Variants in BSN observed in about 807,000 individuals in gnomAD.
BSN encodes the protein bassoon presynaptic cytomatrix protein.
BSN carries 57 observed loss-of-function variants against 264.8 expected under a neutral mutation model. That is an observed-to-expected ratio of 0.22 (90% CI 0.17 to 0.27). The LOEUF (loss-of-function observed/expected upper bound fraction) is 0.27. BSN is among the 10% of genes least tolerant of loss of function. The pLI is 1.00. For synonymous variants in BSN, 2,059 were observed against 2,137.3 expected (o/e 0.96, Z 1.01); for missense variants, 4,615 against 5,232.5 (o/e 0.88, Z 3.64).
intron 1 of BSN, among the ~76,000 whole-genome samples, chr3:49,592,772 TACAG>T (rs2051990071): frequency 6.6e-6 from 1 of 151,202 alleles, no homozygotes; most frequent in Non-Finnish European, 1.5e-5. Context: ...AAAGAAATAA[TACAG>T]AGAGATTCCT....
At chr3:49,567,256 A>G (rs1181759102) in intron 1 of BSN, among the ~76,000 whole-genome samples, 2 of 152,182 alleles carry the variant, frequency 1.3e-5, no homozygotes, top group Non-Finnish European at 2.9e-5. Flanking sequence ...GTTATTAGAA[A>G]TGATTCTACT....
At chr3:49,607,047 CTTGCCTGA>C (rs1559603930) in intron 1 of BSN, among the ~76,000 whole-genome samples, 1 of 152,184 alleles carries the variant, frequency 6.6e-6, no homozygotes, top group East Asian at 1.9e-4. Flanking sequence ...CCCCCATGCA[CTTGCCTGA>C]TCATCTGGGC....
chr3:49,630,939 G>T (rs2052380138), intron 2 of BSN, among the ~76,000 whole-genome samples: 1 of 152,084 alleles, frequency 6.6e-6, no homozygotes, highest in South Asian at 2.1e-4. Flanking sequence ...TGTTGGTTTT[G>T]CTGCTTCTAC....
At chr3:49,598,570 TACA>T (rs1445045027) in intron 1 of BSN, among the ~76,000 whole-genome samples, 22 of 152,212 alleles carry the variant, frequency 1.4e-4, no homozygotes, top group African/African-American at 5.3e-4. Context: ...GTGCTGGGAT[TACA>T]GGTGTGAGGC....
chr3:49,658,834 A>G (rs1021128254), intron 5 of BSN, among the ~76,000 whole-genome samples: 21 of 152,206 alleles, frequency 1.4e-4, no homozygotes, highest in African/African-American at 4.6e-4. Context: ...TTGTGGCTTT[A>G]TTTGCCAGTG....
Position 49,652,345 on chromosome 3 carries a change from G to C in BSN, c.2789G>C (p.Arg930Pro), listed in dbSNP as rs749614597. The C allele has an allele frequency of 6.2e-7, 1 of 1,603,330 alleles. No homozygotes were observed. Among genetic ancestry groups the C allele is most frequent in the Non-Finnish European group, 8.5e-7 (1 of 1,174,256 alleles). Residue 930 changes from arginine to proline, a missense_variant, in exon 5 of 12, where the codon CGC (arginine) becomes CCC (proline). Coordinates refer to ENST00000296452, the MANE Select transcript of BSN (RefSeq NM_003458.4). ...GGGACCCTGCAGGGTGGGCTCCGTC[G>C]CTTCAAGACCATTGAGCTCAACAGC... Reference protein sequence around the residue: ...GSGTLQGGLRRFKTIELNSTG... With the variant: ...GSGTLQGGLRPFKTIELNSTG...
At chr3:49,607,040 C>G (rs962419230) in intron 1 of BSN, among the ~76,000 whole-genome samples, 3 of 152,170 alleles carry the variant, frequency 2.0e-5, no homozygotes, top group Non-Finnish European at 2.9e-5. Flanking sequence ...GTGCAGACCC[C>G]CATGCACTTG....
At chr3:49,579,368 T>A (rs978853228) in intron 1 of BSN, among the ~76,000 whole-genome samples, 1 of 152,138 alleles carries the variant, frequency 6.6e-6, no homozygotes, top group African/African-American at 2.4e-5. Flanking sequence ...TCAATAAGTA[T>A]GATTTTAGGT....
intron 1 of BSN, among the ~76,000 whole-genome samples, chr3:49,572,128 T>C (rs995435576): frequency 1.3e-5 from 2 of 152,186 alleles, no homozygotes; most frequent in African/African-American, 4.8e-5. Flanking sequence ...ACTGAAACAG[T>C]GTTGACCATT....
chr3:49,574,638 T>C (rs1387152688), intron 1 of BSN, among the ~76,000 whole-genome samples: 3 of 135,980 alleles, frequency 2.2e-5, no homozygotes, highest in Admixed American at 7.2e-5. Flanking sequence ...TTCTTTTTTT[T>C]TTTTTTTTTT....
intron 1 of BSN, among the ~76,000 whole-genome samples, chr3:49,606,061 ATATAT>A (rs1427351126): frequency 6.7e-5 from 6 of 89,888 alleles, no homozygotes; most frequent in Non-Finnish European, 9.4e-5. Context: ...ATAATTATAA[ATATAT>A]TATATAAAAA....
intron 11 of BSN, among the ~76,000 whole-genome samples, chr3:49,667,305 A>G (rs2052719502): frequency 8.3e-6 from 1 of 120,616 alleles, no homozygotes; most frequent in African/African-American, 2.9e-5. Context: ...ATCACTCTTA[A>G]GCCAAAAAAA....
chr3:49,648,938 G>A (rs2052519106), intron 3 of BSN, among the ~76,000 whole-genome samples: 1 of 152,246 alleles, frequency 6.6e-6, no homozygotes, highest in Admixed American at 6.5e-5. Flanking sequence ...AGAAGCTCCA[G>A]TGGGAGAGAA....
chr3:49,663,478 C>T lies in BSN; in HGVS notation c.11320C>T (p.Arg3774Cys), dbSNP rs752931204. The T allele has an allele frequency of 6.8e-6, 11 of 1,612,748 alleles. No homozygotes were observed. Among genetic ancestry groups the T allele is most frequent in the East Asian group, 6.7e-5 (3 of 44,902 alleles). Residue 3774 changes from arginine (R) to cysteine (C), a missense_variant, in exon 7 of 12, where the codon CGC becomes TGC. Physicochemically the swap from Arg to Cys is radical, Grantham distance 180. Around this residue, in one of 3 missense-constraint regions of BSN, gnomAD observed 3,415 missense variants for 3,866.4 expected, o/e 0.88. Coordinates refer to ENST00000296452, the MANE Select transcript of BSN (RefSeq NM_003458.4). ...GCAAATACCCTCTGGGGCAGCATCA[C>T]GCCAGCCACAGACACAGCAGCAGCA... is the stretch of plus-strand genomic sequence containing the variant. ...SRQIPSGAAS[R>C]QPQTQQQQQG...
intron 2 of BSN, among the ~76,000 whole-genome samples, chr3:49,634,926 G>A (rs942854511): frequency 6.6e-6 from 1 of 152,132 alleles, no homozygotes; most frequent in Non-Finnish European, 1.5e-5. Flanking sequence ...GCTATGTGAA[G>A]AACAGCCTGC....
intron 1 of BSN, among the ~76,000 whole-genome samples, chr3:49,563,236 G>A (rs943537090): frequency 2.6e-4 from 40 of 152,182 alleles, no homozygotes; most frequent in African/African-American, 9.7e-4. Context: ...CCACCTCTGG[G>A]TTGCTTCTGG....
chr3:49,572,951 C>T (rs35215563), intron 1 of BSN, among the ~76,000 whole-genome samples: 122 of 152,260 alleles, frequency 8.0e-4, no homozygotes, highest in Non-Finnish European at 1.3e-3. Flanking sequence ...CTCAGGTACT[C>T]CGAGACTGGG....
Position 49,656,190 on chromosome 3 carries a change from C to T in BSN, c.6634C>T (p.Pro2212Ser). The T allele has an allele frequency of 6.2e-7, 1 of 1,611,914 alleles. No individual in the cohort carries two copies. Among genetic ancestry groups the T allele is most frequent in the Non-Finnish European group, 8.5e-7 (1 of 1,179,232 alleles). The stretch of plus-strand genomic sequence containing the variant: ...TGCAACACTGCCCATCACCACCCAG[C>T]CTGCCTCAGTCCTGCGGCCCATGGT... ...IAATLPITTQ[P>S]ASVLRPMVRG... The change falls in exon 5 of 12, where the codon CCT becomes TCT. Residue 2212 changes from proline to serine, a missense_variant. Physicochemically the swap from Pro to Ser is moderately conservative, Grantham distance 74. Transcript: ENST00000296452.
chr3:49,554,979 G>A (rs1030553077), intron 1 of BSN, among the ~76,000 whole-genome samples, 153 bp downstream of exon 1: 2 of 152,202 alleles, frequency 1.3e-5, no homozygotes, highest in African/African-American at 2.4e-5. Flanking sequence ...GTGGTCGCGG[G>A]AAGCGGCCCT....
Sources: gnomAD v4.1 joint callset for allele counts (sites outside exome capture counted in the v4.1 genomes callset) on GRCh38, gnomAD v4.1.1 for gene constraint, gnomAD v4.1.1 regional missense constraint, MANE v1.5 for transcripts, NCBI Gene and HGNC (gene_info 2026-07-23, HGNC 2026-07-21) for gene names.